The following LMTK2 variants were observed in gnomAD, a reference collection of about 807,000 sequenced individuals.
LMTK2 encodes lemur tail kinase 2.
In LMTK2, 37 loss-of-function variants were observed where a neutral mutation model predicts 127.5. The ratio of observed to expected loss-of-function variants is 0.29; its 90% CI spans 0.22 to 0.38. LMTK2 has a LOEUF of 0.38. Ranked by LOEUF, LMTK2 falls within the 10% of genes least tolerant of loss-of-function variation. The probability of loss-of-function intolerance (pLI) is 1.00; values close to 1 mark genes in which losing one functional copy is unlikely to be tolerated. For synonymous variants in LMTK2, 819 were observed against 810.1 expected (o/e 1.01, Z -0.19); for missense variants, 1,694 against 1,920.3 (o/e 0.88, Z 2.20).
chr7:98,180,891 C>T (rs535746614), intron 7 of LMTK2, among the ~76,000 whole-genome samples: 13 of 152,106 alleles, frequency 8.5e-5, no homozygotes, highest in African/African-American at 2.7e-4. Context: ...TCTTTCAGGT[C>T]GGGCCGGGCC....
At chr7:98,157,073 C>A (rs1293843700) in intron 5 of LMTK2, among the ~76,000 whole-genome samples, 1 of 152,006 alleles carries the variant, frequency 6.6e-6, no homozygotes, top group Non-Finnish European at 1.5e-5. Context: ...TGTGGTGAGA[C>A]CCTGTCTGTA....
chr7:98,116,261 G>A (rs986522247), intron 1 of LMTK2, among the ~76,000 whole-genome samples: 3 of 152,174 alleles, frequency 2.0e-5, no homozygotes, highest in Non-Finnish European at 4.4e-5. Flanking sequence ...CCTTGGGATA[G>A]CACATTTTTG....
At chr7:98,113,656 T>G (rs554767299) in intron 1 of LMTK2, among the ~76,000 whole-genome samples, 1 of 152,328 alleles carries the variant, frequency 6.6e-6, no homozygotes, top group South Asian at 2.1e-4. Flanking sequence ...GAAGGAATAT[T>G]CTCGGAGGAG....
intron 1 of LMTK2, among the ~76,000 whole-genome samples, chr7:98,121,829 C>G (rs573475952): frequency 6.6e-6 from 1 of 151,650 alleles, no homozygotes; most frequent in African/African-American, 2.4e-5. Context: ...GGCAAGACCT[C>G]GACGCTACAA....
chr7:98,148,544 G>C (rs1260587141), intron 3 of LMTK2, among the ~76,000 whole-genome samples: 1 of 150,694 alleles, frequency 6.6e-6, no homozygotes, highest in Non-Finnish European at 1.5e-5. Flanking sequence ...AAAAAATAAA[G>C]TCTTGTCTAA....
chr7:98,180,374 G>T (rs750940091), intron 7 of LMTK2, among the ~76,000 whole-genome samples: 7 of 152,082 alleles, frequency 4.6e-5, no homozygotes, highest in Non-Finnish European at 1.5e-5. Context: ...TATAAATTAG[G>T]CCTCCTTTTC....
chr7:98,166,366 GC>G (rs1297957735), intron 6 of LMTK2, among the ~76,000 whole-genome samples: 2 of 152,228 alleles, frequency 1.3e-5, no homozygotes, highest in Non-Finnish European at 2.9e-5. Flanking sequence ...GCTTGGGCAG[GC>G]TGATGGGGGC....
intron 8 of LMTK2, among the ~76,000 whole-genome samples, chr7:98,185,694 C>G (rs1797422582): frequency 6.6e-6 from 1 of 151,816 alleles, no homozygotes; most frequent in African/African-American, 2.4e-5. Flanking sequence ...GTCAGGAGAC[C>G]TCGGATAAGC....
intron 1 of LMTK2, among the ~76,000 whole-genome samples, chr7:98,128,469 T>C (rs77369424): frequency 0.052 from 7,860 of 152,258 alleles, 577 homozygotes; most frequent in East Asian, 0.34. Context: ...CCTAGTCCTC[T>C]AGGACTGTGA....
chr7:98,172,822 A>T (rs1797213511), intron 7 of LMTK2, among the ~76,000 whole-genome samples: 1 of 151,980 alleles, frequency 6.6e-6, no homozygotes, highest in South Asian at 2.1e-4. Context: ...CAGTGATGTG[A>T]TCTCGGCTCA....
intron 9 of LMTK2, among the ~76,000 whole-genome samples, chr7:98,188,943 T>G (rs970044097): frequency 7.2e-5 from 11 of 152,238 alleles, no homozygotes; most frequent in Admixed American, 1.3e-4. Flanking sequence ...TCCCATAATG[T>G]GTGTATTTGT....
intron 1 of LMTK2, among the ~76,000 whole-genome samples, chr7:98,131,826 G>C (rs536373403): frequency 1.1e-4 from 17 of 152,110 alleles, no homozygotes; most frequent in African/African-American, 2.9e-4. Context: ...AGACCACAGG[G>C]GTACCAAAGT....
chr7:98,141,676 C>T, intron 3 of LMTK2, 135 bp downstream of exon 3: 1 of 873,172 alleles, frequency 1.1e-6, no homozygotes, highest in Non-Finnish European at 1.8e-6. Flanking sequence ...CCCAGTGAAG[C>T]TGAATTCTAG....
At chr7:98,155,444 A>C (rs1374144792) in intron 5 of LMTK2, among the ~76,000 whole-genome samples, 1 of 152,242 alleles carries the variant, frequency 6.6e-6, no homozygotes, top group East Asian at 1.9e-4. Flanking sequence ...CAAATTTAAG[A>C]AATTGAGAAA....
At chr7:98,203,436 A>G in intron 11 of LMTK2, 138 bp from the exon 12 acceptor site, 1 of 1,154,290 alleles carries the variant, frequency 8.7e-7, no homozygotes, top group Non-Finnish European at 1.2e-6. Flanking sequence ...CCGTCCTCCC[A>G]GGCCTGGAGC....
Position 98,130,599 on chromosome 7 carries a change from G to A in LMTK2, c.104-6716G>A, listed in dbSNP as rs181739196. ...TACGGGGATGATCAAGTGAAAATGC[G>A]GTCATGAGGGTGGGCCTAATCCAGT... On this transcript the variant is annotated intron_variant, in intron 1 of 13. Coordinates refer to ENST00000297293, the MANE Select transcript of LMTK2 (RefSeq NM_014916.4). Among the ~76,000 whole-genome samples the A allele has an allele frequency of 1.7e-3, 265 of 152,274 alleles. 1 individual carries two copies. Among genetic ancestry groups the A allele is most frequent in the Non-Finnish European group, 2.3e-3 (154 of 68,028 alleles).
intron 1 of LMTK2, among the ~76,000 whole-genome samples, chr7:98,130,385 C>T (rs1382932843): frequency 3.3e-5 from 5 of 152,196 alleles, no homozygotes; most frequent in African/African-American, 1.2e-4. Context: ...CCCAGCCACT[C>T]TGTTTCTGTC....
intron 10 of LMTK2, 39 bp from the exon 11 acceptor site, chr7:98,191,575 C>G (rs6968308): frequency 1.7e-5 from 23 of 1,378,630 alleles, no homozygotes; most frequent in Non-Finnish European, 2.2e-5. Context: ...AAAAAAAATT[C>G]GTGATGGTTC....
chr7:98,123,701 A>G (rs1214325306), intron 1 of LMTK2, among the ~76,000 whole-genome samples: 1 of 117,974 alleles, frequency 8.5e-6, no homozygotes. Flanking sequence ...CAATTTTCAT[A>G]TATACACACA....
Sources: gnomAD v4.1 joint callset for allele counts (sites outside exome capture counted in the v4.1 genomes callset) on GRCh38, gnomAD v4.1.1 for gene constraint, MANE v1.5 for transcripts, NCBI Gene and HGNC (gene_info 2026-07-23, HGNC 2026-07-21) for gene names.